The following WWOX variants were observed in gnomAD, a reference collection of about 807,000 sequenced individuals.
The protein encoded by WWOX is WW domain containing oxidoreductase.
WWOX carries 69 observed loss-of-function variants against 46.2 expected under a neutral mutation model. The observed-to-expected ratio is 1.49, with a 90% CI of 1.23 to 1.82. The LOEUF (loss-of-function observed/expected upper bound fraction) is 1.82, where lower values mean the gene tolerates loss of function less well. Among genes scored for constraint, WWOX ranks in the 40% most tolerant of loss-of-function variants. WWOX has a pLI of 0.00. For missense variants in WWOX, 919 were observed against 542.6 expected, an observed-to-expected ratio of 1.69 and a Z score of -6.89; for synonymous variants, 359 against 202.6, an observed-to-expected ratio of 1.77 and a Z score of -6.56.
chr16:78,649,453 A>AAAAAAAAATGG (rs1305166087), intron 8 of WWOX, among the ~76,000 whole-genome samples: 4 of 150,268 alleles, frequency 2.7e-5, no homozygotes, highest in Non-Finnish European at 5.9e-5. Flanking sequence ...CCAGCTGTTG[A>AAAAAAAAATGG]AAAAAAAATG....
At chr16:78,940,317 C>A (rs1487110306) in intron 8 of WWOX, among the ~76,000 whole-genome samples, 3 of 152,156 alleles carry the variant, frequency 2.0e-5, no homozygotes, top group African/African-American at 7.2e-5. Context: ...TATGAGTCGT[C>A]ATTGCTCGCT....
At chr16:78,259,156 A>G (rs772504831) in intron 5 of WWOX, among the ~76,000 whole-genome samples, 2 of 152,230 alleles carry the variant, frequency 1.3e-5, no homozygotes, top group East Asian at 3.8e-4. Flanking sequence ...CATCTGCTTA[A>G]TAAGTAAGCA....
intron 8 of WWOX, among the ~76,000 whole-genome samples, chr16:78,945,317 G>C (rs541994583): frequency 6.6e-6 from 1 of 152,204 alleles, no homozygotes; most frequent in South Asian, 2.1e-4. Context: ...AATTTGATTT[G>C]ATTGATCTTC....
intron 8 of WWOX, among the ~76,000 whole-genome samples, chr16:78,526,900 C>A (rs181355217): frequency 5.1e-4 from 78 of 152,292 alleles, no homozygotes; most frequent in Middle Eastern, 6.8e-3. Context: ...TGCAATGGCT[C>A]ACGCCTATAA....
chr16:78,750,698 T>C (rs920192134), intron 8 of WWOX, among the ~76,000 whole-genome samples: 2 of 152,264 alleles, frequency 1.3e-5, no homozygotes, highest in East Asian at 3.9e-4. Context: ...TTCATGCCCA[T>C]GTGTACGCAG....
chr16:78,955,257 A>T (rs957950407), intron 8 of WWOX, among the ~76,000 whole-genome samples: 2 of 152,208 alleles, frequency 1.3e-5, no homozygotes, highest in Admixed American at 1.3e-4. Context: ...ATCTTCACAG[A>T]TGGACCTCCA....
At chr16:78,831,123 C>T (rs1405817115) in intron 8 of WWOX, among the ~76,000 whole-genome samples, 1 of 152,148 alleles carries the variant, frequency 6.6e-6, no homozygotes, top group African/African-American at 2.4e-5. Context: ...CACAGCCTGG[C>T]TGGTGGAGGG....
intron 5 of WWOX, among the ~76,000 whole-genome samples, chr16:78,361,020 A>T (rs898489180): frequency 1.3e-5 from 2 of 152,054 alleles, no homozygotes; most frequent in African/African-American, 4.8e-5. Flanking sequence ...GCAGGGTTTC[A>T]TCATGTTGCA....
At chr16:79,157,800 A>G (rs1467324319) in intron 8 of WWOX, among the ~76,000 whole-genome samples, 1 of 152,092 alleles carries the variant, frequency 6.6e-6, no homozygotes, top group African/African-American at 2.4e-5. Context: ...AGGCAGAGGG[A>G]GAGGGTCAAA....
intron 8 of WWOX, among the ~76,000 whole-genome samples, chr16:78,895,000 C>A (rs2044670774): frequency 6.6e-6 from 1 of 152,138 alleles, no homozygotes; most frequent in African/African-American, 2.4e-5. Flanking sequence ...GCTGGAGATC[C>A]CATCATGCCG....
At chr16:79,056,599 A>G (rs1319199420) in intron 8 of WWOX, among the ~76,000 whole-genome samples, 1 of 152,200 alleles carries the variant, frequency 6.6e-6, no homozygotes, top group Non-Finnish European at 1.5e-5. Context: ...GTTTAGCAGC[A>G]TCCCTGGCCT....
intron 8 of WWOX, among the ~76,000 whole-genome samples, chr16:79,124,474 G>C (rs892170231): frequency 1.3e-5 from 2 of 152,306 alleles, no homozygotes. Context: ...CAGGAGGGTG[G>C]TGTGGCACAA....
intron 5 of WWOX, among the ~76,000 whole-genome samples, chr16:78,360,100 A>G (rs1160493645): frequency 6.6e-6 from 1 of 152,228 alleles, no homozygotes; most frequent in African/African-American, 2.4e-5. Context: ...CCAAAAGAAA[A>G]ACACATTAAA....
rs549613258 is a variant in WWOX, at chr16:78,641,295, C to T, written c.1056+208543C>T. Among the ~76,000 whole-genome samples the T allele has an allele frequency of 6.3e-3, 959 of 151,984 alleles. 8 individuals are homozygous for T. The highest frequency in any genetic ancestry group is 0.024 in the Middle Eastern group (7 of 294). ...CCCAGACCGGAGCCACAATCAAATG[C>T]AAATATGACAATAGGACCCATCCTG... On this transcript the variant is annotated intron_variant, in intron 8 of 8. Transcript: ENST00000566780.
chr16:79,149,716 C>G (rs1232369456), intron 8 of WWOX, among the ~76,000 whole-genome samples: 1 of 152,226 alleles, frequency 6.6e-6, no homozygotes, highest in South Asian at 2.1e-4. Flanking sequence ...CTGCCACAGA[C>G]TACATTTAGG....
intron 8 of WWOX, among the ~76,000 whole-genome samples, chr16:79,176,782 C>A (rs1366116684): frequency 6.6e-6 from 1 of 152,034 alleles, no homozygotes; most frequent in Non-Finnish European, 1.5e-5. Context: ...TCATAGGAAA[C>A]CTGAGCCTTG....
At chr16:78,809,065 C>T (rs1379986904) in intron 8 of WWOX, among the ~76,000 whole-genome samples, 5 of 152,012 alleles carry the variant, frequency 3.3e-5, no homozygotes, top group African/African-American at 1.2e-4. Context: ...GAGCTATGGG[C>T]CCCGAGAAAC....
At chr16:79,189,464 T>C (rs1184306761) in intron 8 of WWOX, among the ~76,000 whole-genome samples, 2 of 140,776 alleles carry the variant, frequency 1.4e-5, no homozygotes, top group African/African-American at 5.3e-5. Context: ...TGTGTGTGTG[T>C]GTGTGTGTGT....
At chr16:78,504,291 G>A (rs1019640339) in intron 8 of WWOX, among the ~76,000 whole-genome samples, 21 of 152,194 alleles carry the variant, frequency 1.4e-4, no homozygotes, top group Admixed American at 4.6e-4. Context: ...GGGGGAAAAG[G>A]TTTAAAAACA....
Sources: allele counts gnomAD v4.1 joint callset (sites outside exome capture counted in the v4.1 genomes callset), GRCh38; gene constraint gnomAD v4.1.1; transcripts MANE v1.5; gene names NCBI Gene and HGNC (gene_info 2026-07-23, HGNC 2026-07-21).